Variants in DLGAP1 observed in about 807,000 individuals in gnomAD.
DLGAP1 encodes the protein disks large-associated protein 1.
Under a neutral mutation model 90.8 loss-of-function variants are expected in DLGAP1, and 11 were observed. The ratio of observed to expected loss-of-function variants is 0.12; its 90% CI spans 0.08 to 0.20. The LOEUF is 0.20. Ranked by LOEUF, DLGAP1 falls within the 10% of genes least tolerant of loss-of-function variation. DLGAP1 has a pLI of 1.00. For synonymous variants in DLGAP1, 558 were observed against 540.7 expected (o/e 1.03, Z -0.44); for missense variants, 1,050 against 1,333.8 (o/e 0.79, Z 3.31).
chr18:3,930,595 C>T (rs982696497), intron 3 of DLGAP1, among the ~76,000 whole-genome samples: 2 of 152,140 alleles, frequency 1.3e-5, no homozygotes, highest in South Asian at 2.1e-4. Context: ...CTGGACGCCA[C>T]GGCCTGTGAC....
chr18:4,419,789 T>C (rs1019813875), intron 1 of DLGAP1, among the ~76,000 whole-genome samples: 8 of 151,896 alleles, frequency 5.3e-5, no homozygotes, highest in African/African-American at 1.9e-4. Flanking sequence ...GTAAATAATA[T>C]AGGGAAAAAT....
chr18:4,138,579 A>G (rs922038577), intron 2 of DLGAP1, among the ~76,000 whole-genome samples: 1 of 151,946 alleles, frequency 6.6e-6, no homozygotes, highest in Non-Finnish European at 1.5e-5. Flanking sequence ...TTTATAAGGG[A>G]TATTGACCAG....
At chr18:4,097,425 CACTGT>C (rs1238928265) in intron 2 of DLGAP1, among the ~76,000 whole-genome samples, 1 of 152,220 alleles carries the variant, frequency 6.6e-6, no homozygotes, top group Non-Finnish European at 1.5e-5. Context: ...TTGCAAGCCC[CACTGT>C]ACTTTGTCAA....
intron 2 of DLGAP1, among the ~76,000 whole-genome samples, chr18:4,121,391 C>T (rs1341656004): frequency 6.6e-6 from 1 of 152,094 alleles, no homozygotes; most frequent in Non-Finnish European, 1.5e-5. Flanking sequence ...CTCCTAGGCC[C>T]ATCCAGGCAC....
chr18:3,693,683 G>A (rs1196242751), intron 7 of DLGAP1, among the ~76,000 whole-genome samples: 1 of 152,184 alleles, frequency 6.6e-6, no homozygotes, highest in Non-Finnish European at 1.5e-5. Context: ...TGATTTCACA[G>A]CTGAAGTAAG....
At chr18:4,349,683 C>T (rs1487590690) in intron 1 of DLGAP1, among the ~76,000 whole-genome samples, 1 of 151,660 alleles carries the variant, frequency 6.6e-6, no homozygotes, top group African/African-American at 2.4e-5. Flanking sequence ...CAAAATAGGG[C>T]ATAGTGTGTC....
chr18:3,882,789 A>G (rs2071209798), intron 3 of DLGAP1, among the ~76,000 whole-genome samples: 1 of 152,172 alleles, frequency 6.6e-6, no homozygotes, highest in Admixed American at 6.5e-5. Context: ...TCAGTGCCTG[A>G]CCAAGTTCCT....
At position 3,952,370 on chromosome 18, in the gene DLGAP1, G is replaced by C. The variant is rs547851490; in HGVS notation, c.-73+52746C>G. Among the ~76,000 whole-genome samples the C allele has an allele frequency of 7.2e-5, 11 of 152,256 alleles. No individual in the cohort carries two copies. In the South Asian group the frequency reaches 8.3e-4, roughly 11 times the overall value. Reference sequence around the variant, plus strand: ...CATTGGGACCAACCCTATACTCTTGGGGGGAGGATTCCCACTGAGGACGAA... The same window carrying C: ...CATTGGGACCAACCCTATACTCTTGCGGGGAGGATTCCCACTGAGGACGAA... On this transcript the variant is annotated intron_variant, in intron 3 of 12. Transcript: ENST00000315677.
chr18:4,028,271 G>A (rs1458789422), intron 2 of DLGAP1, among the ~76,000 whole-genome samples: 3 of 152,136 alleles, frequency 2.0e-5, no homozygotes, highest in African/African-American at 7.2e-5. Flanking sequence ...ACTTTTATTT[G>A]TAACTCTATG....
chr18:3,831,094 G>A (rs542604116), intron 4 of DLGAP1, among the ~76,000 whole-genome samples: 1 of 152,358 alleles, frequency 6.6e-6, no homozygotes, highest in South Asian at 2.1e-4. Context: ...GTGCATGTGT[G>A]TAGAGGGGGT....
intron 7 of DLGAP1, among the ~76,000 whole-genome samples, chr18:3,647,553 C>T (rs1599712249): frequency 1.3e-5 from 2 of 151,632 alleles, no homozygotes; most frequent in South Asian, 2.1e-4. Context: ...GCAACCTCCG[C>T]TTCTGGGGTT....
rs2075782021 is a variant in DLGAP1 at position 4,092,192 on chromosome 18, C to G, written c.-159+58988G>C. 2.6e-5 allele frequency among the ~76,000 whole-genome samples: 4 copies of G among 152,178 alleles called. No individual in the cohort carries two copies. The South Asian group carries it at 6.2e-4, about 24-fold the overall frequency. On this transcript the variant is annotated intron_variant, in intron 2 of 12. Coordinates refer to ENST00000315677, the MANE Select transcript of DLGAP1 (RefSeq NM_004746.4). ...CGTGTCTCAATGTCCCTGCTCCACCCTCAGCTTTCTGCTTTCTTTGAGTGT... is the reference window on the plus strand; with the variant it reads ...CGTGTCTCAATGTCCCTGCTCCACCGTCAGCTTTCTGCTTTCTTTGAGTGT...
intron 1 of DLGAP1, among the ~76,000 whole-genome samples, chr18:4,269,647 C>T (rs1426858473): frequency 6.6e-6 from 1 of 151,994 alleles, no homozygotes; most frequent in African/African-American, 2.4e-5. Flanking sequence ...AGCCACCGCG[C>T]CCGGCCATAT....
At chr18:4,325,760 G>A (rs991727267) in intron 1 of DLGAP1, among the ~76,000 whole-genome samples, 1 of 152,048 alleles carries the variant, frequency 6.6e-6, no homozygotes, top group Admixed American at 6.6e-5. Flanking sequence ...AACAAGCAAT[G>A]GGGAAAAGAT....
chr18:4,240,203 G>A (rs747710235), intron 1 of DLGAP1, among the ~76,000 whole-genome samples: 1 of 152,042 alleles, frequency 6.6e-6, no homozygotes, highest in African/African-American at 2.4e-5. Flanking sequence ...GTGTTTATAT[G>A]CATTTTTTAA....
At chr18:4,184,764 T>A (rs1411651527) in intron 1 of DLGAP1, among the ~76,000 whole-genome samples, 4 of 152,086 alleles carry the variant, frequency 2.6e-5, no homozygotes, top group Non-Finnish European at 5.9e-5. Flanking sequence ...AGTTCTGGGA[T>A]CCCCTGATAC....
chr18:3,963,606 T>C (rs1228150359), intron 3 of DLGAP1, among the ~76,000 whole-genome samples: 39 of 142,504 alleles, frequency 2.7e-4, no homozygotes, highest in African/African-American at 9.6e-4. Context: ...TTTTTTTTAG[T>C]GCAATTTTAT....
At chr18:3,807,713 T>G (rs1314123847) in intron 5 of DLGAP1, among the ~76,000 whole-genome samples, 1 of 152,254 alleles carries the variant, frequency 6.6e-6, no homozygotes, top group Non-Finnish European at 1.5e-5. Flanking sequence ...AAGCCCAGCA[T>G]GCATTAGCTA....
intron 1 of DLGAP1, among the ~76,000 whole-genome samples, chr18:4,264,403 A>G (rs1220041736): frequency 1.3e-5 from 2 of 152,206 alleles, no homozygotes; most frequent in African/African-American, 4.8e-5. Context: ...TCTGGTAAGT[A>G]TTGTGTAAGA....
Sources: allele counts gnomAD v4.1 joint callset (sites outside exome capture counted in the v4.1 genomes callset), GRCh38; gene constraint gnomAD v4.1.1; transcripts MANE v1.5; gene names NCBI Gene and HGNC (gene_info 2026-07-23, HGNC 2026-07-21).